Variants in ELP4 observed in about 807,000 individuals in gnomAD.
ELP4 encodes elongator complex protein 4.
ELP4 carries 51 observed loss-of-function variants against 48.9 expected under a neutral mutation model. That is an observed-to-expected ratio of 1.04 (90% CI 0.83 to 1.32). The LOEUF (loss-of-function observed/expected upper bound fraction) is 1.32, where lower values mean the gene tolerates loss of function less well. ELP4 is among the 40% of genes most tolerant of loss of function. ELP4 has a pLI of 0.00. For synonymous variants in ELP4, 210 were observed against 189.2 expected (o/e 1.11, Z -0.90); for missense variants, 519 against 514.6 (o/e 1.01, Z -0.08).
At chr11:31,697,382 T>C (rs1233575857) in intron 9 of ELP4, among the ~76,000 whole-genome samples, 1 of 152,150 alleles carries the variant, frequency 6.6e-6, no homozygotes, top group Non-Finnish European at 1.5e-5. Flanking sequence ...TTCTGTATTA[T>C]AATGGAAGAG....
chr11:31,554,357 G>C (rs1303983986), intron 3 of ELP4, among the ~76,000 whole-genome samples: 2 of 151,912 alleles, frequency 1.3e-5, no homozygotes, highest in Non-Finnish European at 1.5e-5. Flanking sequence ...GTTTGGTTTT[G>C]TTTTAAAGTT....
chr11:31,717,915 A>G (rs1565125193), intron 9 of ELP4, among the ~76,000 whole-genome samples: 1 of 152,114 alleles, frequency 6.6e-6, no homozygotes, highest in Non-Finnish European at 1.5e-5. Flanking sequence ...TAGTTTTTTG[A>G]TAACCGCATC....
At chr11:31,761,462 T>C (rs770629179) in intron 9 of ELP4, among the ~76,000 whole-genome samples, 20 of 152,164 alleles carry the variant, frequency 1.3e-4, no homozygotes, top group Non-Finnish European at 1.8e-4. Flanking sequence ...GGAGTCAATA[T>C]ACTTTTTCAC....
intron 9 of ELP4, among the ~76,000 whole-genome samples, chr11:31,698,797 A>G (rs1946463036): frequency 6.6e-6 from 1 of 152,150 alleles, no homozygotes; most frequent in African/African-American, 2.4e-5. Flanking sequence ...AGTTATGGAA[A>G]TGGAATGAGG....
chr11:31,670,120 C>T (rs1592208743), intron 9 of ELP4, among the ~76,000 whole-genome samples: 1 of 152,118 alleles, frequency 6.6e-6, no homozygotes, highest in Non-Finnish European at 1.5e-5. Flanking sequence ...AAAACCCTAT[C>T]AAATAATTTG....
intron 9 of ELP4, among the ~76,000 whole-genome samples, chr11:31,706,700 T>C (rs1946642192): frequency 6.6e-6 from 1 of 151,564 alleles, no homozygotes; most frequent in African/African-American, 2.4e-5. Context: ...TAAATGTACA[T>C]CCTTTAACAA....
intron 9 of ELP4, among the ~76,000 whole-genome samples, chr11:31,674,904 G>A (rs1033961760): frequency 6.6e-6 from 1 of 152,030 alleles, no homozygotes; most frequent in Admixed American, 6.5e-5. Context: ...AATAGCAGTA[G>A]CAATGTCTTC....
chr11:31,617,449 T>C (rs1944514128), intron 5 of ELP4, among the ~76,000 whole-genome samples: 1 of 151,982 alleles, frequency 6.6e-6, no homozygotes. Flanking sequence ...AGTTGTTGTT[T>C]CTTGTTTCAT....
In ELP4 at chr11:31,783,597, A is replaced by C. The variant is rs1948428863; in HGVS notation, c.*73A>C. On this transcript the variant is annotated 3_prime_UTR_variant, in exon 10 of 10. Coordinates refer to ENST00000640961, the MANE Select transcript of ELP4 (RefSeq NM_019040.5). ...ATGATTGCTAATAGCTTATGTAAAT[A>C]TTTTTCTTAACAATTTGACCCTCCA... 2.8e-6 allele frequency: 4 copies of C among 1,422,008 alleles called. No homozygotes were observed. The Admixed American group carries it at 6.6e-5, about 24-fold the overall frequency. The allele number at this position is 1,422,008 out of a possible 1,614,324, so 88.1% of individuals were successfully genotyped here. A position where few individuals can be genotyped will look rare whatever the true frequency, so the allele number is the denominator to read the frequency against.
intron 7 of ELP4, among the ~76,000 whole-genome samples, chr11:31,639,544 A>G (rs1476934142): frequency 6.6e-6 from 1 of 151,928 alleles, no homozygotes; most frequent in Admixed American, 6.6e-5. Flanking sequence ...TTATACGTAT[A>G]TATTTAATTT....
At chr11:31,690,137 AAG>A (rs1946246280) in intron 9 of ELP4, among the ~76,000 whole-genome samples, 1 of 152,224 alleles carries the variant, frequency 6.6e-6, no homozygotes, top group South Asian at 2.1e-4. Flanking sequence ...CCTGAGGCTC[AAG>A]AGAGTGCTTA....
At chr11:31,687,039 A>G (rs1008514518) in intron 9 of ELP4, among the ~76,000 whole-genome samples, 13 of 152,176 alleles carry the variant, frequency 8.5e-5, no homozygotes, top group African/African-American at 2.9e-4. Flanking sequence ...GATAAAATCA[A>G]CTGAACTTAG....
chr11:31,552,933 A>G (rs891537300), intron 3 of ELP4, among the ~76,000 whole-genome samples: 5 of 152,128 alleles, frequency 3.3e-5, no homozygotes, highest in Admixed American at 1.3e-4. Flanking sequence ...CTCCAAAATT[A>G]GGGCCATTGG....
At chr11:31,777,381 C>T (rs986936487) in intron 9 of ELP4, among the ~76,000 whole-genome samples, 14 of 152,122 alleles carry the variant, frequency 9.2e-5, no homozygotes, top group Admixed American at 9.2e-4. Context: ...TATTCCCACC[C>T]TCTGGACTAG....
intron 9 of ELP4, among the ~76,000 whole-genome samples, chr11:31,777,652 G>A (rs1948278259): frequency 6.6e-6 from 1 of 152,138 alleles, no homozygotes; most frequent in South Asian, 2.1e-4. Flanking sequence ...TTTGTTCTGG[G>A]CATGAGTGGA....
intron 3 of ELP4, among the ~76,000 whole-genome samples, chr11:31,552,020 T>G (rs1043289971): frequency 1.2e-4 from 19 of 152,148 alleles, no homozygotes; most frequent in African/African-American, 4.3e-4. Context: ...TTTGAGATAT[T>G]TTATCTAGAA....
intron 3 of ELP4, among the ~76,000 whole-genome samples, chr11:31,554,787 A>G (rs1019377168): frequency 7.9e-5 from 12 of 152,164 alleles, no homozygotes; most frequent in African/African-American, 2.2e-4. Context: ...GTTTTGAACT[A>G]AGGAATGTGT....
chr11:31,533,368 C>CTTTTTTTTTTTTTTTTTTTTTTTTTTTT (rs71060492), intron 2 of ELP4, among the ~76,000 whole-genome samples: 4 of 50,460 alleles, frequency 7.9e-5, no homozygotes, highest in Non-Finnish European at 1.0e-4. Flanking sequence ...CCATCTCATT[C>CTTTTTTTTTTTTTTTTTTTTTTTTTTTT]TTTTTTTTTT....
chr11:31,545,589 G>A (rs1360302469), intron 3 of ELP4, among the ~76,000 whole-genome samples: 2 of 152,108 alleles, frequency 1.3e-5, no homozygotes, highest in African/African-American at 2.4e-5. Context: ...AACTTCCCCA[G>A]TATAGCAAGG....
Sources: allele counts gnomAD v4.1 joint callset (sites outside exome capture counted in the v4.1 genomes callset), GRCh38; gene constraint gnomAD v4.1.1; transcripts MANE v1.5; gene names NCBI Gene and HGNC (gene_info 2026-07-23, HGNC 2026-07-21).